Variants in PDGFC observed in about 807,000 individuals in gnomAD.
PDGFC encodes the protein platelet-derived growth factor C.
In PDGFC, 12 loss-of-function variants were observed where a neutral mutation model predicts 35.5. The ratio of observed to expected loss-of-function variants is 0.34; its 90% CI spans 0.22 to 0.55. The LOEUF (loss-of-function observed/expected upper bound fraction) is 0.55. Ranked by LOEUF, PDGFC falls within the 20% of genes least tolerant of loss-of-function variation. The pLI is 0.91. For missense variants in PDGFC, 322 were observed against 412.4 expected (o/e 0.78, Z 1.90); for synonymous variants, 159 against 148.8 (o/e 1.07, Z -0.50).
Position 156,891,279 on chromosome 4 carries a change from CAAAAAAAAAAAAAAAAAAAAAAAAAAAA to C in PDGFC, c.119-40891_119-40864del, listed in dbSNP as rs59904859. Among the ~76,000 whole-genome samples the C allele has an allele frequency of 6.9e-4, 42 of 60,718 alleles. 1 individual carries two copies. The highest frequency in any genetic ancestry group is 6.8e-3 in the East Asian group (13 of 1,920). 39.8% of individuals were successfully genotyped at this position (60,718 alleles called of 152,430 possible). A position where few individuals can be genotyped will look rare whatever the true frequency, so the allele number is the denominator to read the frequency against. ...TGGGCGACAGAGCGAGACTCCGTCT[CAAAAAAAAAAAAAAAAAAAAAAAAAAAA>C]AAAAAAAAAAAAAAAAAAGGAAAAA... On this transcript the variant is annotated intron_variant, in intron 1 of 5. Coordinates refer to ENST00000502773, the MANE Select transcript of PDGFC (RefSeq NM_016205.3).
chr4:156,917,904 C>T, intron 1 of PDGFC, among the ~76,000 whole-genome samples: 1 of 152,152 alleles, frequency 6.6e-6, no homozygotes, highest in Middle Eastern at 3.2e-3. Flanking sequence ...TTTCAACATT[C>T]AGGAGACATT....
intron 1 of PDGFC, among the ~76,000 whole-genome samples, chr4:156,891,279 C>CAAAAAAAAAAAAAAAAAAAAAAA (rs59904859): frequency 3.3e-5 from 2 of 60,704 alleles, no homozygotes; most frequent in Admixed American, 2.3e-4. Context: ...GACTCCGTCT[C>CAAAAAAAAAAAAAAAAAAAAAAA]AAAAAAAAAA....
intron 2 of PDGFC, among the ~76,000 whole-genome samples, chr4:156,811,529 T>C (rs1731932218): frequency 6.6e-6 from 1 of 152,086 alleles, no homozygotes; most frequent in South Asian, 2.1e-4. Flanking sequence ...TTCCTTTCTG[T>C]GACCTTCCTG....
chr4:156,844,369 A>C (rs1051037161), intron 2 of PDGFC, among the ~76,000 whole-genome samples: 1 of 152,210 alleles, frequency 6.6e-6, no homozygotes, highest in African/African-American at 2.4e-5. Context: ...GGAATAAGAA[A>C]ACAAGCTAAA....
chr4:156,859,717 G>T (rs991345857), intron 1 of PDGFC, among the ~76,000 whole-genome samples: 1 of 152,014 alleles, frequency 6.6e-6, no homozygotes, highest in Non-Finnish European at 1.5e-5. Context: ...TAAACATTAG[G>T]TTTTTAAAGA....
rs534436442 is a variant in PDGFC, at chr4:156,781,692, C to T, written c.496-8799G>A. Among the ~76,000 whole-genome samples, 3 of 152,112 alleles carry T rather than the reference C, an allele frequency of 2.0e-5. No individual in the cohort carries two copies. The South Asian group carries it at 6.2e-4, about 32-fold the overall frequency. On this transcript the variant is annotated intron_variant, in intron 3 of 5. Transcript: ENST00000502773. ...CTTCTTCAGGGTAGGGGAGGCATAC[C>T]TACCAGCCATAGAAAATGGGGCGTT...
intron 3 of PDGFC, among the ~76,000 whole-genome samples, chr4:156,809,790 A>C (rs1234153911): frequency 1.3e-5 from 2 of 152,036 alleles, no homozygotes; most frequent in East Asian, 3.9e-4. Flanking sequence ...ATTGCTATTT[A>C]TACACATTTA....
chr4:156,824,315 T>TAC (rs1315420411), intron 2 of PDGFC, among the ~76,000 whole-genome samples: 51 of 48,284 alleles, frequency 1.1e-3, no homozygotes, highest in African/African-American at 6.2e-3. Context: ...TATATATATA[T>TAC]ATATATATAT....
intron 3 of PDGFC, among the ~76,000 whole-genome samples, chr4:156,785,565 G>T (rs2110861981): frequency 6.6e-6 from 1 of 152,210 alleles, no homozygotes; most frequent in African/African-American, 2.4e-5. Context: ...AATCTGATAT[G>T]CAAGGAATCT....
At chr4:156,828,997 A>G (rs1728862089) in intron 2 of PDGFC, among the ~76,000 whole-genome samples, 1 of 152,226 alleles carries the variant, frequency 6.6e-6, no homozygotes, top group Admixed American at 6.5e-5. Flanking sequence ...ATGGAAATTT[A>G]GTGAAGTACA....
intron 2 of PDGFC, among the ~76,000 whole-genome samples, chr4:156,839,418 C>A (rs1433031719): frequency 6.6e-6 from 1 of 152,182 alleles, no homozygotes; most frequent in African/African-American, 2.4e-5. Context: ...TGTTTGCTTC[C>A]CCTTCCACCA....
intron 5 of PDGFC, among the ~76,000 whole-genome samples, chr4:156,766,231 T>C (rs1401671132): frequency 6.6e-6 from 1 of 152,168 alleles, no homozygotes; most frequent in Non-Finnish European, 1.5e-5. Flanking sequence ...CTAGGACTGG[T>C]AGGACACCAG....
intron 3 of PDGFC, among the ~76,000 whole-genome samples, chr4:156,784,745 G>C (rs1731076865): frequency 6.6e-6 from 1 of 152,130 alleles, no homozygotes; most frequent in South Asian, 2.1e-4. Flanking sequence ...TCAAGACGGG[G>C]CAAAAATATT....
At chr4:156,939,620 G>A (rs545379569) in intron 1 of PDGFC, among the ~76,000 whole-genome samples, 9 of 151,970 alleles carry the variant, frequency 5.9e-5, no homozygotes, top group African/African-American at 1.2e-4. Flanking sequence ...ATGTTTTATC[G>A]TTTTATATTT....
At chr4:156,824,325 T>TATATATATACACATATACAC (rs1313538089) in intron 2 of PDGFC, among the ~76,000 whole-genome samples, 24 of 109,578 alleles carry the variant, frequency 2.2e-4, no homozygotes, top group African/African-American at 8.2e-4. Context: ...TATATATATA[T>TATATATATACACATATACAC]ATACACACAC....
intron 1 of PDGFC, among the ~76,000 whole-genome samples, chr4:156,884,862 A>G (rs1044406809): frequency 6.6e-6 from 1 of 152,176 alleles, no homozygotes; most frequent in Non-Finnish European, 1.5e-5. Flanking sequence ...TGCACGATGG[A>G]TCAAGTTTTC....
At chr4:156,839,847 G>T (rs1001285510) in intron 2 of PDGFC, among the ~76,000 whole-genome samples, 1 of 152,162 alleles carries the variant, frequency 6.6e-6, no homozygotes, top group African/African-American at 2.4e-5. Flanking sequence ...TAAGGAACTT[G>T]TTGGGAACTG....
intron 1 of PDGFC, among the ~76,000 whole-genome samples, chr4:156,966,441 T>C (rs1409936269): frequency 6.6e-6 from 1 of 152,156 alleles, no homozygotes; most frequent in Admixed American, 6.5e-5. Flanking sequence ...ATCATCAGTC[T>C]TGGAAACTTT....
intron 1 of PDGFC, among the ~76,000 whole-genome samples, chr4:156,940,531 C>T (rs1235277049): frequency 1.3e-5 from 2 of 152,008 alleles, no homozygotes; most frequent in Non-Finnish European, 2.9e-5. Flanking sequence ...GGGAAATTGC[C>T]TGGTACTCTT....
Sources: allele counts gnomAD v4.1 joint callset (sites outside exome capture counted in the v4.1 genomes callset), GRCh38; gene constraint gnomAD v4.1.1; transcripts MANE v1.5; gene names NCBI Gene and HGNC (gene_info 2026-07-23, HGNC 2026-07-21).